Variants in RBFOX1 observed in about 807,000 individuals in gnomAD.
RBFOX1 encodes the protein RNA binding fox-1 homolog 1, also known as RNA binding protein fox-1 homolog 1.
Under a neutral mutation model 57.7 loss-of-function variants are expected in RBFOX1, and 8 were observed. The ratio of observed to expected loss-of-function variants is 0.14; its 90% CI spans 0.08 to 0.25. The LOEUF (loss-of-function observed/expected upper bound fraction) is 0.25. Among genes scored for constraint, RBFOX1 ranks in the 10% least tolerant of loss-of-function variants. The pLI is 1.00. For missense variants in RBFOX1, 611 were observed against 548.5 expected, an observed-to-expected ratio of 1.11 and a Z score of -1.14; for synonymous variants, 326 against 222.4, an observed-to-expected ratio of 1.47 and a Z score of -4.15.
At chr16:7,470,170 G>A (rs914221344) in intron 4 of RBFOX1, among the ~76,000 whole-genome samples, 1 of 152,176 alleles carries the variant, frequency 6.6e-6, no homozygotes, top group African/African-American at 2.4e-5. Context: ...TAATCTGACT[G>A]TATACCCCAG....
chr16:6,193,362 A>ATATATATATATATACAG (rs2097154804), intron 1 of RBFOX1, among the ~76,000 whole-genome samples: 1 of 101,352 alleles, frequency 9.9e-6, no homozygotes, highest in Admixed American at 1.2e-4. Context: ...TACATTATAT[A>ATATATATATATATACAG]TATATATATA....
intron 3 of RBFOX1, among the ~76,000 whole-genome samples, chr16:6,820,404 C>G (rs867159537): frequency 4.6e-5 from 7 of 152,250 alleles, no homozygotes; most frequent in Middle Eastern, 3.4e-3. Context: ...CTCCTATAAT[C>G]CCAGCATTTT....
intron 1 of RBFOX1, among the ~76,000 whole-genome samples, chr16:5,290,958 G>A (rs892448517): frequency 7.2e-5 from 11 of 152,100 alleles, no homozygotes; most frequent in East Asian, 3.9e-4. Flanking sequence ...CCTCAGCTTC[G>A]CAAAGTACTG....
At chr16:7,176,246 G>T (rs1489713610) in intron 4 of RBFOX1, among the ~76,000 whole-genome samples, 1 of 112,944 alleles carries the variant, frequency 8.9e-6, no homozygotes, top group Non-Finnish European at 1.8e-5. Context: ...TAAAATCATG[G>T]ATAGGATTAC....
At chr16:6,362,782 C>T (rs552603150) in intron 2 of RBFOX1, among the ~76,000 whole-genome samples, 3 of 152,234 alleles carry the variant, frequency 2.0e-5, no homozygotes, top group African/African-American at 7.2e-5. Context: ...TGAATTTTGC[C>T]GTTATAGCCA....
chr16:7,256,030 A>G (rs924904698), intron 4 of RBFOX1, among the ~76,000 whole-genome samples: 19 of 152,356 alleles, frequency 1.2e-4, no homozygotes, highest in Admixed American at 7.8e-4. Flanking sequence ...CCAAATTTCC[A>G]TAATGAATAC....
At chr16:7,244,811 C>G (rs546553189) in intron 4 of RBFOX1, among the ~76,000 whole-genome samples, 1 of 152,162 alleles carries the variant, frequency 6.6e-6, no homozygotes, top group African/African-American at 2.4e-5. Flanking sequence ...ATATGGCTGT[C>G]TTGGTTTTGT....
At chr16:6,759,251 A>G (rs964503620) in intron 3 of RBFOX1, among the ~76,000 whole-genome samples, 5 of 151,542 alleles carry the variant, frequency 3.3e-5, no homozygotes, top group African/African-American at 1.2e-4. Flanking sequence ...CCTGGGTTCC[A>G]GCAGTTCTCC....
At chr16:5,654,918 C>T (rs2049375239) in intron 3 of RBFOX1, among the ~76,000 whole-genome samples, 2 of 152,234 alleles carry the variant, frequency 1.3e-5, no homozygotes, top group East Asian at 3.9e-4. Context: ...CTTCTCATCT[C>T]TGTACCATTT....
rs577749145 is a variant in RBFOX1 at position 6,412,123 on chromosome 16, A to T, written c.-64+95066A>T. 4.3e-5 allele frequency among the ~76,000 whole-genome samples: 6 copies of T among 140,228 alleles called. No individual in the cohort carries two copies. The South Asian group carries it at 1.4e-3, about 32-fold the overall frequency. 92.0% of individuals were successfully genotyped at this position (140,228 alleles called of 152,430 possible). A position where few individuals can be genotyped will look rare whatever the true frequency, so the allele number is the denominator to read the frequency against. On this transcript the variant is annotated intron_variant, in intron 2 of 15. Transcript: ENST00000550418. ...ACTCCAGTACAGGCAATAGTGCAAGACTCCATGTAAAAAAAAAAAAACAAA... is the reference window on the plus strand; with the variant it reads ...ACTCCAGTACAGGCAATAGTGCAAGTCTCCATGTAAAAAAAAAAAAACAAA...
At chr16:6,780,091 TTA>T (rs1555460487) in intron 3 of RBFOX1, among the ~76,000 whole-genome samples, 3 of 43,450 alleles carry the variant, frequency 6.9e-5, no homozygotes, top group Non-Finnish European at 9.8e-5. Flanking sequence ...TTATATATAT[TTA>T]TATATTTTTA....
In RBFOX1 at chr16:6,779,799, T is replaced by A. The variant is rs868527242; in HGVS notation, c.-16+125149T>A. 5.2e-4 allele frequency among the ~76,000 whole-genome samples: 5 copies of A among 9,592 alleles called. 1 individual carries two copies. The highest frequency in any genetic ancestry group is 2.7e-3 in the African/African-American group (4 of 1,464). 6.3% of individuals were successfully genotyped at this position (9,592 alleles called of 152,430 possible). On this transcript the variant is annotated intron_variant, in intron 3 of 15. Coordinates refer to ENST00000550418, the MANE Select transcript of RBFOX1 (RefSeq NM_018723.4). ...TTTATATATATTTTTATATATACTT[T>A]TATATATTTATATATATATTTATAT...
intron 4 of RBFOX1, among the ~76,000 whole-genome samples, chr16:7,255,059 T>G (rs1439847846): frequency 6.6e-6 from 1 of 152,134 alleles, no homozygotes; most frequent in Non-Finnish European, 1.5e-5. Flanking sequence ...TTTTTAATAT[T>G]TTATTCATAA....
chr16:6,234,986 A>G (rs2097494372), intron 1 of RBFOX1, among the ~76,000 whole-genome samples: 1 of 152,186 alleles, frequency 6.6e-6, no homozygotes, highest in Admixed American at 6.5e-5. Context: ...ACTTTTGCAG[A>G]TTCCTTTGAG....
At chr16:6,718,341 T>C (rs887089307) in intron 3 of RBFOX1, among the ~76,000 whole-genome samples, 1 of 152,236 alleles carries the variant, frequency 6.6e-6, no homozygotes, top group Admixed American at 6.5e-5. Context: ...ACAACTTGTA[T>C]ATTTTAGTGG....
At chr16:6,092,126 C>G (rs1016452487) in intron 1 of RBFOX1, among the ~76,000 whole-genome samples, 6 of 152,190 alleles carry the variant, frequency 3.9e-5, no homozygotes, top group African/African-American at 1.4e-4. Context: ...GCCTGAAGTC[C>G]CAACTGGTAC....
chr16:6,212,638 T>A (rs1486337584), intron 1 of RBFOX1, among the ~76,000 whole-genome samples: 2 of 151,612 alleles, frequency 1.3e-5, no homozygotes, highest in Non-Finnish European at 2.9e-5. Context: ...ACCCGGGAGG[T>A]GGAGCTTGCA....
intron 1 of RBFOX1, among the ~76,000 whole-genome samples, chr16:6,237,881 C>G (rs150967160): frequency 2.0e-5 from 3 of 151,772 alleles, no homozygotes; most frequent in African/African-American, 7.3e-5. Context: ...GTCAGGAGGG[C>G]AAGAAATGGA....
chr16:7,481,374 A>G (rs1273486332), intron 4 of RBFOX1, among the ~76,000 whole-genome samples: 1 of 152,168 alleles, frequency 6.6e-6, no homozygotes, highest in Admixed American at 6.5e-5. Flanking sequence ...ATGTCAGGTG[A>G]TATTAGATAT....
Sources: gnomAD v4.1 joint callset for allele counts (sites outside exome capture counted in the v4.1 genomes callset) on GRCh38, gnomAD v4.1.1 for gene constraint, MANE v1.5 for transcripts, NCBI Gene and HGNC (gene_info 2026-07-23, HGNC 2026-07-21) for gene names.